Variants in ITPR2 observed in about 807,000 individuals in gnomAD.
ITPR2 encodes inositol 1,4,5-trisphosphate-gated calcium channel ITPR2.
Under a neutral mutation model 317.1 loss-of-function variants are expected in ITPR2, and 207 were observed. The observed-to-expected ratio is 0.65, with a 90% CI of 0.58 to 0.73. ITPR2 has a LOEUF of 0.73. ITPR2 is among the 30% of genes least tolerant of loss of function. The probability of loss-of-function intolerance (pLI) is 0.00; values close to 1 mark genes in which losing one functional copy is unlikely to be tolerated. For missense variants in ITPR2, 2,613 were observed against 3,284.0 expected (o/e 0.80, Z 4.99); for synonymous variants, 1,156 against 1,149.1 (o/e 1.01, Z -0.12).
chr12:26,505,560 C>A (rs1179524043), intron 37 of ITPR2, among the ~76,000 whole-genome samples: 1 of 152,208 alleles, frequency 6.6e-6, no homozygotes, highest in East Asian at 1.9e-4. Flanking sequence ...CAAGTCAATT[C>A]TCATTAAGTC....
intron 37 of ITPR2, among the ~76,000 whole-genome samples, chr12:26,547,940 G>A (rs968476139): frequency 4.6e-5 from 7 of 152,130 alleles, no homozygotes; most frequent in Non-Finnish European, 1.0e-4. Context: ...GTAAAACTTG[G>A]CTATGATCAA....
At chr12:26,541,013 T>A (rs547203074) in intron 37 of ITPR2, among the ~76,000 whole-genome samples, 2 of 152,082 alleles carry the variant, frequency 1.3e-5, no homozygotes, top group African/African-American at 4.8e-5. Context: ...GCACATGTGT[T>A]AAAACATAAC....
intron 48 of ITPR2, among the ~76,000 whole-genome samples, chr12:26,435,484 T>C (rs1941329553): frequency 1.3e-5 from 2 of 152,286 alleles, no homozygotes; most frequent in South Asian, 4.1e-4. Flanking sequence ...TCCATGCCCA[T>C]TCCAAAGTTA....
At chr12:26,711,697 C>G (rs1948644750) in intron 8 of ITPR2, among the ~76,000 whole-genome samples, 1 of 152,074 alleles carries the variant, frequency 6.6e-6, no homozygotes. Context: ...AGCCAGCGAA[C>G]AAAGAAATAA....
chr12:26,795,661 C>T (rs1373362369), intron 1 of ITPR2, among the ~76,000 whole-genome samples: 1 of 152,170 alleles, frequency 6.6e-6, no homozygotes, highest in Non-Finnish European at 1.5e-5. Context: ...CACTGCTATG[C>T]TTGTGCATTT....
chr12:26,755,514 T>A (rs1237412520), intron 2 of ITPR2, among the ~76,000 whole-genome samples: 2 of 152,218 alleles, frequency 1.3e-5, no homozygotes, highest in Non-Finnish European at 2.9e-5. Flanking sequence ...TCAAGAAAAC[T>A]TTTCTTTTGA....
At chr12:26,709,341 G>A (rs1948607701) in intron 9 of ITPR2, among the ~76,000 whole-genome samples, 1 of 152,152 alleles carries the variant, frequency 6.6e-6, no homozygotes. Context: ...AAAGGTCAAA[G>A]AAAAGGTCCT....
chr12:26,602,794 G>A (rs375491658), intron 26 of ITPR2, 88 bp from the exon 27 acceptor site: 1 of 565,140 alleles, frequency 1.8e-6, no homozygotes, highest in Non-Finnish European at 2.8e-6. Context: ...AATATATTTT[G>A]TAATTATTTT....
chr12:26,608,060 G>A (rs1452624265), intron 26 of ITPR2, among the ~76,000 whole-genome samples: 1 of 152,178 alleles, frequency 6.6e-6, no homozygotes, highest in Non-Finnish European at 1.5e-5. Flanking sequence ...GGTGGAGCTT[G>A]CAGTGAGCCG....
chr12:26,643,252 T>A (rs139296519), intron 21 of ITPR2, among the ~76,000 whole-genome samples: 1 of 152,322 alleles, frequency 6.6e-6, no homozygotes, highest in Admixed American at 6.5e-5. Context: ...AGCTACCTAG[T>A]TTATGGTATT....
chr12:26,747,866 A>C (rs1394994210), intron 2 of ITPR2, among the ~76,000 whole-genome samples: 1 of 152,162 alleles, frequency 6.6e-6, no homozygotes, highest in African/African-American at 2.4e-5. Context: ...ATTATTCTCC[A>C]ACAGATTTCT....
intron 21 of ITPR2, among the ~76,000 whole-genome samples, chr12:26,650,722 T>C (rs1277953701): frequency 1.3e-5 from 2 of 152,216 alleles, no homozygotes; most frequent in Non-Finnish European, 1.5e-5. Context: ...TTAGTTTAGA[T>C]TGAAGATTGT....
intron 9 of ITPR2, among the ~76,000 whole-genome samples, chr12:26,700,317 G>A (rs1948421666): frequency 6.6e-6 from 1 of 152,218 alleles, no homozygotes; most frequent in African/African-American, 2.4e-5. Flanking sequence ...AGGCAGCAAG[G>A]CTGGAGGGGC....
chr12:26,731,794 T>G (rs1949032661), intron 2 of ITPR2, among the ~76,000 whole-genome samples: 1 of 152,114 alleles, frequency 6.6e-6, no homozygotes, highest in South Asian at 2.1e-4. Flanking sequence ...CAAGACCTTG[T>G]CTCTTACAAA....
At chr12:26,377,155 C>G (rs985882976) in intron 55 of ITPR2, among the ~76,000 whole-genome samples, 1 of 152,206 alleles carries the variant, frequency 6.6e-6, no homozygotes, top group Admixed American at 6.5e-5. Flanking sequence ...GCTCCCTCTA[C>G]GTGTTCCATC....
rs562526540 is a variant in ITPR2, at chr12:26,577,552, T to C, written c.4630+1161A>G. ...TATTGATAATGACGTCTTTTTCATA[T>C]TACATTCTCTTTTGTGGTATACAGA... On this transcript the variant is annotated intron_variant, in intron 34 of 56. Transcript: ENST00000381340. Among the ~76,000 whole-genome samples the C allele has an allele frequency of 3.2e-4, 48 of 152,352 alleles. 1 individual carries two copies. The highest frequency in any genetic ancestry group is 1.7e-3 in the East Asian group (9 of 5,192).
At chr12:26,450,373 T>A (rs1206080879) in intron 45 of ITPR2, among the ~76,000 whole-genome samples, 1 of 152,170 alleles carries the variant, frequency 6.6e-6, no homozygotes, top group Non-Finnish European at 1.5e-5. Context: ...AAAAAAGGAA[T>A]TTGGGGATAA....
intron 45 of ITPR2, among the ~76,000 whole-genome samples, chr12:26,447,491 C>T (rs764786812): frequency 1.3e-5 from 2 of 150,964 alleles, no homozygotes; most frequent in Non-Finnish European, 3.0e-5. Context: ...TTTTAATGTT[C>T]ACTTCAGTAT....
chr12:26,575,976 G>A (rs1945266563), intron 34 of ITPR2, among the ~76,000 whole-genome samples: 1 of 152,130 alleles, frequency 6.6e-6, no homozygotes, highest in South Asian at 2.1e-4. Flanking sequence ...TAAATATTGA[G>A]GGGTAGAGGA....
Sources: gnomAD v4.1 joint callset for allele counts (sites outside exome capture counted in the v4.1 genomes callset) on GRCh38, gnomAD v4.1.1 for gene constraint, MANE v1.5 for transcripts, NCBI Gene and HGNC (gene_info 2026-07-23, HGNC 2026-07-21) for gene names.